MTAP: variants seen among roughly 807,000 people sequenced by gnomAD.
MTAP encodes methylthioadenosine phosphorylase.
MTAP carries 33 observed loss-of-function variants against 33.6 expected under a neutral mutation model. The ratio of observed to expected loss-of-function variants is 0.98; its 90% CI spans 0.74 to 1.31. The LOEUF (loss-of-function observed/expected upper bound fraction) is 1.31, where lower values mean the gene tolerates loss of function less well. Ranked by LOEUF, MTAP falls within the 40% of genes most tolerant of loss-of-function variation. MTAP has a pLI of 0.00. For synonymous variants in MTAP, 148 were observed against 125.7 expected, an observed-to-expected ratio of 1.18 and a Z score of -1.19; for missense variants, 367 against 360.0, an observed-to-expected ratio of 1.02 and a Z score of -0.16.
chr9:21,852,247 G>C (rs147262044), intron 5 of MTAP, among the ~76,000 whole-genome samples: 2 of 152,134 alleles, frequency 1.3e-5, no homozygotes, highest in Non-Finnish European at 2.9e-5. Flanking sequence ...AGTGGCTCAT[G>C]CCTATAATCC....
chr9:21,930,584 G>C (rs750832725), intron 1 of MTAP: 9 of 330,588 alleles, frequency 2.7e-5, no homozygotes, highest in Non-Finnish European at 4.3e-5. Context: ...AATCTCAAAA[G>C]CCTCCTTGAC....
rs1186757215 is a variant in MTAP at position 21,915,038 on chromosome 9, TCCTTCCTTCC to T, written c.148-15969_148-15960del. Among the ~76,000 whole-genome samples, 11 of 106,602 alleles carry T rather than the reference TCCTTCCTTCC, an allele frequency of 1.0e-4. 1 individual carries two copies. The highest frequency in any genetic ancestry group is 5.6e-4 in the African/African-American group (11 of 19,806). The allele number at this position is 106,602 out of a possible 152,430, so 69.9% of individuals were successfully genotyped here. ...TTCCTTCCTTCCTTCCTTCCTTCCTTCCTTCCTTCCTTCCTTCCTTTCTTTCTTTCTTTCT... is the reference window on the plus strand; with the variant it reads ...TTCCTTCCTTCCTTCCTTCCTTCCTTTTCCTTCCTTTCTTTCTTTCTTTCT... On this transcript the variant is annotated intron_variant, in intron 1 of 1. Coordinates refer to the MTAP transcript ENST00000577563.
At chr9:21,804,027 A>G (rs896918028) in intron 1 of MTAP, among the ~76,000 whole-genome samples, 1 of 152,212 alleles carries the variant, frequency 6.6e-6, no homozygotes, top group Non-Finnish European at 1.5e-5. Flanking sequence ...CCCTGCCTTC[A>G]TTGTTTGGCG....
chr9:21,917,200 C>G (rs1044464424), intron 1 of MTAP, among the ~76,000 whole-genome samples: 3 of 152,146 alleles, frequency 2.0e-5, no homozygotes, highest in Admixed American at 6.5e-5. Context: ...TTTTAGAAGC[C>G]TATTTAATAC....
chr9:21,914,996 T>TTTCTTTCTTTCCTTCCTTCCTTCC (rs1818653063), intron 1 of MTAP, among the ~76,000 whole-genome samples: 1 of 119,966 alleles, frequency 8.3e-6, no homozygotes, highest in African/African-American at 4.1e-5. Flanking sequence ...AATACTTTGT[T>TTTCTTTCTTTCCTTCCTTCCTTCC]TTCTTTCCTT....
downstream of MTAP, among the ~76,000 whole-genome samples, chr9:21,871,437 C>G (rs1430724753): frequency 1.3e-5 from 2 of 152,208 alleles, no homozygotes; most frequent in Admixed American, 1.3e-4. Flanking sequence ...TTAGCCCTTT[C>G]TCTGCACTTT....
At chr9:21,818,329 T>C in intron 4 of MTAP, 127 bp downstream of exon 4, 2 of 809,630 alleles carry the variant, frequency 2.5e-6, no homozygotes, top group East Asian at 2.9e-5. Context: ...TTTTTTTTTT[T>C]TTTTTTTTTT....
intron 3 of MTAP, among the ~76,000 whole-genome samples, chr9:21,817,789 G>A (rs1243139744): frequency 6.6e-6 from 1 of 152,050 alleles, no homozygotes; most frequent in Non-Finnish European, 1.5e-5. Context: ...CCTTTATACA[G>A]AGCATGACAG....
chr9:21,927,484 C>G (rs542080657), intron 1 of MTAP, among the ~76,000 whole-genome samples: 43 of 152,278 alleles, frequency 2.8e-4, no homozygotes, highest in Non-Finnish European at 3.5e-4. Context: ...CACTCTTAAC[C>G]CAGCCTCCTT....
chr9:21,844,385 C>G (rs191391406), intron 5 of MTAP, among the ~76,000 whole-genome samples: 36 of 152,230 alleles, frequency 2.4e-4, no homozygotes, highest in African/African-American at 7.7e-4. Context: ...TCTGTGAAGC[C>G]AGTATCCCCC....
intron 1 of MTAP, among the ~76,000 whole-genome samples, chr9:21,907,751 T>G (rs1818498770): frequency 6.6e-6 from 1 of 152,100 alleles, no homozygotes. Context: ...AGAAAAAATT[T>G]TAAATTTCCT....
chr9:21,856,233 A>G (rs1825639870), intron 6 of MTAP: 2 of 947,460 alleles, frequency 2.1e-6, no homozygotes, highest in African/African-American at 1.8e-5. Flanking sequence ...GGTAAGTGAC[A>G]TCTCCAAAGA....
At chr9:21,821,778 TATTA>T (rs1390156382) in intron 4 of MTAP, among the ~76,000 whole-genome samples, 1 of 152,226 alleles carries the variant, frequency 6.6e-6, no homozygotes, top group Non-Finnish European at 1.5e-5. Context: ...GTTGGTAGGC[TATTA>T]ATTATTGCCT....
chr9:21,808,798 C>T (rs1033942386), intron 1 of MTAP: 4 of 152,152 alleles, frequency 2.6e-5, no homozygotes, highest in African/African-American at 9.7e-5. Context: ...ATAAATTACC[C>T]TATCTCAGGT....
At chr9:21,873,610 G>GC (rs1214638550) in intron 1 of MTAP, among the ~76,000 whole-genome samples, 1,383 of 76,022 alleles carry the variant, frequency 0.018, 34 homozygotes, top group African/African-American at 0.067. Flanking sequence ...TTCCACCCCC[G>GC]CCCCCCACCC....
intron 7 of MTAP, 51 bp from the exon 8 acceptor site, chr9:21,861,925 T>C: frequency 9.9e-7 from 1 of 1,012,168 alleles, no homozygotes; most frequent in Non-Finnish European, 1.6e-6. Flanking sequence ...AACAAACATC[T>C]CAGTAATTAC....
At chr9:21,879,721 G>T (rs1269348443) in intron 1 of MTAP, among the ~76,000 whole-genome samples, 1 of 152,126 alleles carries the variant, frequency 6.6e-6, no homozygotes, top group East Asian at 1.9e-4. Context: ...TTACAAGGCA[G>T]ATCTGTTGGT....
At chr9:21,885,567 C>A (rs992586238) in intron 1 of MTAP, among the ~76,000 whole-genome samples, 43 of 152,066 alleles carry the variant, frequency 2.8e-4, no homozygotes, top group Admixed American at 9.8e-4. Context: ...TTTTATCCCT[C>A]ACCCACCTCC....
rs1238415201 is a variant in MTAP, at chr9:21,884,433, T to TA, written c.147+29565dup. 2.0e-5 allele frequency among the ~76,000 whole-genome samples: 3 copies of TA among 152,290 alleles called. No homozygotes were observed. The East Asian group carries it at 5.8e-4, about 29-fold the overall frequency. ...TGGCTGAACCTTTCAAACATAATGT[T>TA]AAGTGGAAAAAAGCAAGACACTGTA... On this transcript the variant is annotated intron_variant, in intron 1 of 1. Coordinates refer to the MTAP transcript ENST00000577563.
Sources: allele counts gnomAD v4.1 joint callset (sites outside exome capture counted in the v4.1 genomes callset), GRCh38; gene constraint gnomAD v4.1.1; transcripts MANE v1.5; gene names NCBI Gene and HGNC (gene_info 2026-07-23, HGNC 2026-07-21).